The following SKAP1 variants were observed in gnomAD, a reference collection of about 807,000 sequenced individuals.
SKAP1 encodes src kinase associated phosphoprotein 1, also known as src kinase-associated phosphoprotein 1.
SKAP1 carries 44 observed loss-of-function variants against 58.5 expected under a neutral mutation model. The ratio of observed to expected loss-of-function variants is 0.75; its 90% CI spans 0.59 to 0.97. The LOEUF is 0.97. SKAP1 is among the 50% of genes least tolerant of loss of function. The pLI is 0.00. For synonymous variants in SKAP1, 127 were observed against 149.7 expected, an observed-to-expected ratio of 0.85 and a Z score of 1.11; for missense variants, 390 against 435.2, an observed-to-expected ratio of 0.90 and a Z score of 0.92.
chr17:48,361,981 C>T (rs2066944476), intron 3 of SKAP1, among the ~76,000 whole-genome samples: 1 of 152,176 alleles, frequency 6.6e-6, no homozygotes, highest in Non-Finnish European at 1.5e-5. Flanking sequence ...TCCTCCTACC[C>T]CTGAAAATAT....
intron 2 of SKAP1, among the ~76,000 whole-genome samples, chr17:48,373,185 C>A (rs1279936719): frequency 6.6e-6 from 1 of 152,136 alleles, no homozygotes; most frequent in Non-Finnish European, 1.5e-5. Flanking sequence ...AAACTTAAAA[C>A]CATGGTGGAA....
At chr17:48,239,572 G>T (rs1233176179) in intron 4 of SKAP1, among the ~76,000 whole-genome samples, 1 of 152,164 alleles carries the variant, frequency 6.6e-6, no homozygotes, top group Non-Finnish European at 1.5e-5. Context: ...AGAAAGAAAA[G>T]AGTGAAATAG....
At chr17:48,351,116 A>T (rs930978898) in intron 3 of SKAP1, among the ~76,000 whole-genome samples, 1 of 152,214 alleles carries the variant, frequency 6.6e-6, no homozygotes, top group African/African-American at 2.4e-5. Flanking sequence ...ATTGAATCTA[A>T]TACCAACTAA....
At chr17:48,221,209 G>A (rs1598439466) in intron 4 of SKAP1, among the ~76,000 whole-genome samples, 1 of 150,212 alleles carries the variant, frequency 6.7e-6, no homozygotes. Flanking sequence ...GGAGGTTGCA[G>A]TGAGCCAAGA....
intron 4 of SKAP1, among the ~76,000 whole-genome samples, chr17:48,271,285 T>A (rs1261311172): frequency 6.6e-6 from 1 of 151,778 alleles, no homozygotes; most frequent in Non-Finnish European, 1.5e-5. Flanking sequence ...TATATATATA[T>A]TTATTTAAAG....
At chr17:48,379,125 T>G (rs2067183881) in intron 2 of SKAP1, among the ~76,000 whole-genome samples, 1 of 152,120 alleles carries the variant, frequency 6.6e-6, no homozygotes, top group Non-Finnish European at 1.5e-5. Context: ...ATTGAAACCT[T>G]CATCCAAATG....
At chr17:48,385,887 G>A (rs931516388) in intron 2 of SKAP1, among the ~76,000 whole-genome samples, 37 of 152,136 alleles carry the variant, frequency 2.4e-4, no homozygotes, top group African/African-American at 8.7e-4. Context: ...GTAGAGACAA[G>A]GAAGTGCAAA....
chr17:48,145,201 C>G (rs530493706), intron 11 of SKAP1, among the ~76,000 whole-genome samples: 1 of 152,134 alleles, frequency 6.6e-6, no homozygotes, highest in South Asian at 2.1e-4. Flanking sequence ...CAATACCAAC[C>G]TTGCCCCACC....
intron 4 of SKAP1, among the ~76,000 whole-genome samples, chr17:48,195,939 A>G (rs1465392514): frequency 6.6e-6 from 1 of 152,226 alleles, no homozygotes; most frequent in East Asian, 1.9e-4. Context: ...GGTCAGTAGT[A>G]CAAAGAAAAA....
At chr17:48,365,111 GT>G (rs750116270) in intron 2 of SKAP1, among the ~76,000 whole-genome samples, 125 of 145,662 alleles carry the variant, frequency 8.6e-4, no homozygotes, top group Middle Eastern at 7.1e-3. Flanking sequence ...AACAGTTACT[GT>G]TTTTTTGTTT....
the SKAP1 span, among the ~76,000 whole-genome samples, chr17:48,443,103 C>A: frequency 6.6e-6 from 1 of 152,154 alleles, no homozygotes; most frequent in Non-Finnish European, 1.5e-5. Flanking sequence ...TCTTCCCCTT[C>A]CCCTTCACCC....
intron 4 of SKAP1, among the ~76,000 whole-genome samples, chr17:48,224,202 G>A (rs939461981): frequency 1.3e-5 from 2 of 152,146 alleles, no homozygotes; most frequent in Non-Finnish European, 2.9e-5. Context: ...CTTGACTGAT[G>A]CCTGGAGCTT....
intron 11 of SKAP1, among the ~76,000 whole-genome samples, chr17:48,147,674 G>A (rs2063848314): frequency 6.6e-6 from 1 of 152,164 alleles, no homozygotes; most frequent in African/African-American, 2.4e-5. Flanking sequence ...ACTTGTGAAA[G>A]GATCGAAGCT....
chr17:48,209,811 T>C (rs1006452228), intron 4 of SKAP1, among the ~76,000 whole-genome samples: 2 of 152,204 alleles, frequency 1.3e-5, no homozygotes, highest in Non-Finnish European at 2.9e-5. Context: ...TTTGTTGTTG[T>C]TGTTTTATAA....
chr17:48,150,567 C>T (rs73320817), intron 11 of SKAP1, among the ~76,000 whole-genome samples: 5,640 of 152,250 alleles, frequency 0.037, 119 homozygotes, highest in South Asian at 0.054. Flanking sequence ...TTATCTTTCC[C>T]AGTCCGTTCC....
chr17:48,437,273 TCAGAAA>T, the SKAP1 span, among the ~76,000 whole-genome samples: 3 of 152,128 alleles, frequency 2.0e-5, no homozygotes, highest in Non-Finnish European at 4.4e-5. Flanking sequence ...GGCTTACAAA[TCAGAAA>T]GACCTGGGTC....
chr17:48,397,009 T>C, intron 1 of SKAP1: 1 of 202,562 alleles, frequency 4.9e-6, no homozygotes, highest in East Asian at 1.9e-4. Context: ...ATAGTTAAGA[T>C]GGTAAAATTT....
At chr17:48,411,938 G>T (rs555521269) in intron 1 of SKAP1, among the ~76,000 whole-genome samples, 1 of 152,260 alleles carries the variant, frequency 6.6e-6, no homozygotes, top group Admixed American at 6.5e-5. Context: ...AACAGTAAAA[G>T]AACATTAGGC....
chr17:48,252,306 C>T (rs1450099600), intron 4 of SKAP1, among the ~76,000 whole-genome samples: 1 of 152,178 alleles, frequency 6.6e-6, no homozygotes, highest in African/African-American at 2.4e-5. Context: ...CAGGAAGACA[C>T]AGTCCTTGAT....
Sources: gnomAD v4.1 joint callset for allele counts (sites outside exome capture counted in the v4.1 genomes callset) on GRCh38, gnomAD v4.1.1 for gene constraint, MANE v1.5 for transcripts, NCBI Gene and HGNC (gene_info 2026-07-23, HGNC 2026-07-21) for gene names.